SAMD4A: variants seen among roughly 807,000 people sequenced by gnomAD.
SAMD4A encodes protein Smaug homolog 1.
Under a neutral mutation model 81.3 loss-of-function variants are expected in SAMD4A, and 33 were observed. That is an observed-to-expected ratio of 0.41 (90% CI 0.31 to 0.54). The LOEUF (loss-of-function observed/expected upper bound fraction) is 0.54, where lower values mean the gene tolerates loss of function less well. SAMD4A is among the 20% of genes least tolerant of loss of function. SAMD4A has a pLI of 0.37. For synonymous variants in SAMD4A, 389 were observed against 382.1 expected (o/e 1.02, Z -0.21); for missense variants, 854 against 951.1 (o/e 0.90, Z 1.34).
In SAMD4A at chr14:54,745,265, A is replaced by G. The variant is rs115688331; in HGVS notation, c.980-3550A>G. 5.7e-3 allele frequency among the ~76,000 whole-genome samples: 863 copies of G among 152,258 alleles called. 14 individuals carry two copies. Among genetic ancestry groups the G allele is most frequent in the African/African-American group, 0.02 (826 of 41,544 alleles). ...ATGAAGTCGACTCTCTTTGTTCAGC[A>G]TTGCATATCTCAGCCATTTGACCCC... On this transcript the variant is annotated intron_variant, in intron 4 of 12. Coordinates refer to ENST00000554335, the MANE Select transcript of SAMD4A (RefSeq NM_015589.6).
At chr14:54,714,158 G>T (rs1212650264) in intron 3 of SAMD4A, among the ~76,000 whole-genome samples, 2 of 152,136 alleles carry the variant, frequency 1.3e-5, no homozygotes, top group Non-Finnish European at 2.9e-5. Flanking sequence ...GTACCTGACA[G>T]GTTGCTCTAT....
intron 2 of SAMD4A, among the ~76,000 whole-genome samples, chr14:54,677,215 C>A (rs947901555): frequency 6.6e-6 from 1 of 152,136 alleles, no homozygotes; most frequent in Admixed American, 6.5e-5. Context: ...TATTTTTGAT[C>A]CTAGCAGTTT....
chr14:54,751,681 T>C, intron 6 of SAMD4A, 144 bp downstream of exon 6: 2 of 678,250 alleles, frequency 2.9e-6, no homozygotes, highest in South Asian at 1.7e-5. Context: ...CGGAATGATT[T>C]TGAAGTGAAA....
At chr14:54,745,288 C>T (rs1455839386) in intron 4 of SAMD4A, among the ~76,000 whole-genome samples, 2 of 152,166 alleles carry the variant, frequency 1.3e-5, no homozygotes, top group African/African-American at 2.4e-5. Flanking sequence ...GCCATTTGAC[C>T]CCCTGCCTAT....
At chr14:54,575,683 GGT>G (rs1445161295) in intron 2 of SAMD4A, among the ~76,000 whole-genome samples, 2 of 152,156 alleles carry the variant, frequency 1.3e-5, no homozygotes, top group South Asian at 2.1e-4. Context: ...TAGTAGTGCA[GGT>G]GTGTTTCATA....
chr14:54,651,320 C>T (rs2035398764), intron 2 of SAMD4A, among the ~76,000 whole-genome samples: 1 of 152,140 alleles, frequency 6.6e-6, no homozygotes, highest in Non-Finnish European at 1.5e-5. Context: ...TTGTAATGCA[C>T]CAAGTAAAGA....
intron 3 of SAMD4A, among the ~76,000 whole-genome samples, chr14:54,705,215 C>T (rs984521277): frequency 6.6e-5 from 10 of 152,148 alleles, no homozygotes; most frequent in African/African-American, 1.9e-4. Context: ...CTGGGAAAGA[C>T]GGTGAGGAGC....
Position 54,791,595 on chromosome 14 carries a change from C to G in SAMD4A, c.*2651C>G, listed in dbSNP as rs1336399905. On this transcript the variant is annotated 3_prime_UTR_variant, in exon 13 of 13. Coordinates refer to ENST00000554335, the MANE Select transcript of SAMD4A (RefSeq NM_015589.6). ...TAATTCTTTTTTTAAAGAAGAAAAG[C>G]TTATTTTTCATTGACAGTGTATAGA... 6.6e-6 allele frequency: 1 copy of G among 151,856 alleles called. No individual in the cohort carries two copies. The highest frequency in any genetic ancestry group is 2.4e-5 in the African/African-American group (1 of 41,308). The allele number at this position is 151,856 out of a possible 1,614,324, so 9.4% of individuals were successfully genotyped here. A position where few individuals can be genotyped will look rare whatever the true frequency, so the allele number is the denominator to read the frequency against.
rs554860051 is a variant in SAMD4A at position 54,719,326 on chromosome 14, C to T, written c.715+16746C>T. ...CCATTGGGAATCACAGCCCTAAGCC[C>T]GTGACAGAGTAGACTTGAAGGCTTC... On this transcript the variant is annotated intron_variant, in intron 3 of 12. Transcript: ENST00000554335. Among the ~76,000 whole-genome samples the T allele has an allele frequency of 5.3e-5, 8 of 152,214 alleles. No homozygotes were observed. In the South Asian group the frequency reaches 1.7e-3, roughly 32 times the overall value.
At chr14:54,656,055 AT>A (rs2035514122) in intron 2 of SAMD4A, among the ~76,000 whole-genome samples, 1 of 152,208 alleles carries the variant, frequency 6.6e-6, no homozygotes, top group Admixed American at 6.5e-5. Flanking sequence ...GTAATGTTAA[AT>A]AATACTTAAT....
At chr14:54,620,349 G>A (rs529503820) in intron 2 of SAMD4A, among the ~76,000 whole-genome samples, 4 of 127,418 alleles carry the variant, frequency 3.1e-5, no homozygotes, top group African/African-American at 8.1e-5. Flanking sequence ...TAAGCACCAT[G>A]TTGGAGCATC....
At chr14:54,688,382 C>G in intron 2 of SAMD4A, 1 of 985,190 alleles carries the variant, frequency 1.0e-6, no homozygotes, top group Non-Finnish European at 1.2e-6. Context: ...CAGCACATAA[C>G]TGGGGATTGT....
chr14:54,702,807 G>C, intron 3 of SAMD4A: 1 of 524,466 alleles, frequency 1.9e-6, no homozygotes, highest in Non-Finnish European at 3.3e-6. Flanking sequence ...CCAAATTTGG[G>C]TTATAAACAG....
chr14:54,633,894 A>T (rs1320786740), intron 2 of SAMD4A, among the ~76,000 whole-genome samples: 1 of 152,138 alleles, frequency 6.6e-6, no homozygotes, highest in African/African-American at 2.4e-5. Context: ...GATGGGGAAG[A>T]TTGGAAGTGT....
At chr14:54,583,780 G>A (rs374558532) in intron 2 of SAMD4A, among the ~76,000 whole-genome samples, 110 of 152,314 alleles carry the variant, frequency 7.2e-4, no homozygotes, top group African/African-American at 2.5e-3. Context: ...AGGTTAAGGA[G>A]GTTATTTGTA....
intron 6 of SAMD4A, among the ~76,000 whole-genome samples, chr14:54,759,104 A>G (rs557214709): frequency 1.3e-5 from 2 of 152,352 alleles, no homozygotes; most frequent in South Asian, 4.1e-4. Context: ...ATATCAAACT[A>G]TATGTGCAGA....
intron 9 of SAMD4A, among the ~76,000 whole-genome samples, chr14:54,771,211 C>T (rs1208705015): frequency 6.6e-6 from 1 of 152,180 alleles, no homozygotes; most frequent in Admixed American, 6.5e-5. Flanking sequence ...CACATTCCAG[C>T]ATATATAACG....
chr14:54,594,485 T>C (rs1429946759), intron 2 of SAMD4A, among the ~76,000 whole-genome samples: 2 of 152,166 alleles, frequency 1.3e-5, no homozygotes, highest in African/African-American at 4.8e-5. Context: ...GTTCAGACCT[T>C]TGAAGTATAC....
chr14:54,782,153 G>C (rs546399523), intron 11 of SAMD4A, among the ~76,000 whole-genome samples: 9 of 152,284 alleles, frequency 5.9e-5, no homozygotes, highest in African/African-American at 9.6e-5. Flanking sequence ...GCAATCCCAG[G>C]CTTGGAAAAT....
Sources: allele counts gnomAD v4.1 joint callset (sites outside exome capture counted in the v4.1 genomes callset), GRCh38; gene constraint gnomAD v4.1.1; transcripts MANE v1.5; gene names NCBI Gene and HGNC (gene_info 2026-07-23, HGNC 2026-07-21).